SOX5: variants seen among roughly 807,000 people sequenced by gnomAD.
SOX5 encodes the protein transcription factor SOX-5.
SOX5 carries 9 observed loss-of-function variants against 92.0 expected under a neutral mutation model. The observed-to-expected ratio is 0.10, with a 90% CI of 0.06 to 0.17. SOX5 has a LOEUF of 0.17. SOX5 is among the 10% of genes least tolerant of loss of function. SOX5 has a pLI of 1.00. For missense variants in SOX5, 642 were observed against 944.5 expected (o/e 0.68, Z 4.20); for synonymous variants, 344 against 336.3 (o/e 1.02, Z -0.25).
intron 2 of SOX5, among the ~76,000 whole-genome samples, chr12:24,313,937 C>T (rs1487118271): frequency 2.0e-5 from 3 of 150,558 alleles, no homozygotes; most frequent in South Asian, 4.3e-4. Flanking sequence ...TTCAGTTACT[C>T]AGGCCAAAAT....
At chr12:23,592,682 T>C (rs1200251337) in intron 9 of SOX5, among the ~76,000 whole-genome samples, 1 of 152,210 alleles carries the variant, frequency 6.6e-6, no homozygotes, top group Non-Finnish European at 1.5e-5. Flanking sequence ...TGAGAGTGCA[T>C]GTTTCAAATT....
At chr12:24,358,755 C>T (rs144657483) in intron 2 of SOX5, among the ~76,000 whole-genome samples, 63 of 152,264 alleles carry the variant, frequency 4.1e-4, no homozygotes, top group Non-Finnish European at 5.6e-4. Flanking sequence ...TAATCAAATC[C>T]ACTTGAAGAA....
intron 2 of SOX5, among the ~76,000 whole-genome samples, chr12:24,365,377 C>T (rs1430504535): frequency 6.6e-6 from 1 of 152,052 alleles, no homozygotes; most frequent in East Asian, 1.9e-4. Context: ...CATCTTCCAT[C>T]TCAGTGAGAG....
chr12:23,819,965 C>G (rs959195503), intron 3 of SOX5, among the ~76,000 whole-genome samples: 2 of 152,162 alleles, frequency 1.3e-5, no homozygotes, highest in African/African-American at 4.8e-5. Flanking sequence ...ATTGCTGGGT[C>G]AAATGGTAAT....
At chr12:24,333,873 G>T (rs1951605662) in intron 2 of SOX5, among the ~76,000 whole-genome samples, 2 of 150,648 alleles carry the variant, frequency 1.3e-5, no homozygotes, top group South Asian at 2.1e-4. Flanking sequence ...AAAAAAGGTA[G>T]GGGGAGAAAC....
chr12:23,824,177 C>T (rs2096182444), intron 3 of SOX5, among the ~76,000 whole-genome samples: 1 of 152,156 alleles, frequency 6.6e-6, no homozygotes. Flanking sequence ...GAGTTGTGAT[C>T]CTTTGTAGGA....
At chr12:23,690,637 T>A (rs1432992221) in intron 6 of SOX5, among the ~76,000 whole-genome samples, 1 of 152,220 alleles carries the variant, frequency 6.6e-6, no homozygotes, top group African/African-American at 2.4e-5. Flanking sequence ...ATCTTAAAAC[T>A]TCTCAGCAAC....
chr12:24,495,280 A>T (rs1459229692), intron 1 of SOX5, among the ~76,000 whole-genome samples: 1 of 152,196 alleles, frequency 6.6e-6, no homozygotes, highest in Non-Finnish European at 1.5e-5. Flanking sequence ...TAAGATATGG[A>T]TCCAGTGTGT....
At chr12:24,143,052 AAAAC>A (rs1420748051) in intron 4 of SOX5, among the ~76,000 whole-genome samples, 2 of 151,750 alleles carry the variant, frequency 1.3e-5, no homozygotes, top group Non-Finnish European at 3.0e-5. Context: ...CTATGCTGGA[AAAAC>A]AAACAATTCA....
At chr12:24,111,684 G>T (rs1427871174) in intron 4 of SOX5, among the ~76,000 whole-genome samples, 1 of 151,650 alleles carries the variant, frequency 6.6e-6, no homozygotes, top group African/African-American at 2.4e-5. Flanking sequence ...TTTAAAAAAA[G>T]ATTTTTCGTC....
At chr12:24,267,357 A>G (rs1244483984) in intron 3 of SOX5, among the ~76,000 whole-genome samples, 1 of 152,256 alleles carries the variant, frequency 6.6e-6, no homozygotes, top group Admixed American at 6.5e-5. Context: ...AATGACTCAT[A>G]CAATGTAAGT....
intron 1 of SOX5, among the ~76,000 whole-genome samples, chr12:23,933,454 A>T (rs1249304102): frequency 4.0e-5 from 6 of 151,734 alleles, no homozygotes; most frequent in Non-Finnish European, 8.9e-5. Context: ...TAAATGAATA[A>T]ATCAAAATGG....
At chr12:24,526,706 T>C (rs952649779) in intron 1 of SOX5, among the ~76,000 whole-genome samples, 2 of 152,146 alleles carry the variant, frequency 1.3e-5, no homozygotes, top group African/African-American at 4.8e-5. Flanking sequence ...GAGAATGCCA[T>C]TGTCATCTCA....
intron 4 of SOX5, among the ~76,000 whole-genome samples, chr12:24,010,732 C>G (rs1413035624): frequency 2.0e-5 from 3 of 152,088 alleles, no homozygotes; most frequent in African/African-American, 7.2e-5. Context: ...GTCAGGGGCT[C>G]ATGACCAGCT....
chr12:24,347,221 G>A (rs1433402698), intron 2 of SOX5, among the ~76,000 whole-genome samples: 1 of 152,140 alleles, frequency 6.6e-6, no homozygotes, highest in Non-Finnish European at 1.5e-5. Flanking sequence ...ATGAAGTGAT[G>A]TACAGGCATT....
chr12:23,669,062 A>T (rs1191539993), intron 6 of SOX5, among the ~76,000 whole-genome samples: 1 of 152,190 alleles, frequency 6.6e-6, no homozygotes, highest in Non-Finnish European at 1.5e-5. Context: ...TATTCAATCA[A>T]CATCTGCTAA....
chr12:24,464,733 A>G (rs1596994471), intron 1 of SOX5, among the ~76,000 whole-genome samples: 1 of 152,376 alleles, frequency 6.6e-6, no homozygotes, highest in African/African-American at 2.4e-5. Context: ...GATAGAAACT[A>G]ATAGTAGCCC....
chr12:24,108,944 A>G (rs1210836518), intron 4 of SOX5, among the ~76,000 whole-genome samples: 1 of 152,134 alleles, frequency 6.6e-6, no homozygotes, highest in Non-Finnish European at 1.5e-5. Context: ...TTTTACTTAA[A>G]GATGGTTTCT....
chr12:23,792,287 A>G (rs964886114), intron 3 of SOX5, among the ~76,000 whole-genome samples: 4 of 151,834 alleles, frequency 2.6e-5, no homozygotes, highest in African/African-American at 9.7e-5. Flanking sequence ...AATAGTAATG[A>G]CCCATCATTT....
Sources: allele counts gnomAD v4.1 joint callset (sites outside exome capture counted in the v4.1 genomes callset), GRCh38; gene constraint gnomAD v4.1.1; transcripts MANE v1.5; gene names NCBI Gene and HGNC (gene_info 2026-07-23, HGNC 2026-07-21).